RBM34: variants seen among roughly 807,000 people sequenced by gnomAD.
The protein encoded by RBM34 is RNA-binding protein 34.
A neutral mutation model predicts 44.6 loss-of-function variants in RBM34; 39 were observed. The observed-to-expected ratio is 0.87, with a 90% confidence interval of 0.68 to 1.14. The LOEUF is 1.14. Ranked by LOEUF, RBM34 falls within the 50% of genes most tolerant of loss-of-function variation. The pLI is 0.00. For synonymous variants in RBM34, 194 were observed against 184.0 expected (o/e 1.05, Z -0.44); for missense variants, 572 against 517.9 (o/e 1.10, Z -1.01).
chr1:235,156,284 G>A (rs1015458267), intron 3 of RBM34, among the ~76,000 whole-genome samples: 2 of 152,074 alleles, frequency 1.3e-5, no homozygotes, highest in African/African-American at 4.8e-5. Context: ...GGTTACAGGC[G>A]TGAACCACTG....
At chr1:235,159,075 TGGTGG>T (rs1249065584) in intron 3 of RBM34, among the ~76,000 whole-genome samples, 2 of 151,518 alleles carry the variant, frequency 1.3e-5, no homozygotes, top group Non-Finnish European at 2.9e-5. Context: ...TAGCTGGGCA[TGGTGG>T]GGCATGCCTA....
chr1:235,155,971 A>C (rs139226838), intron 3 of RBM34, among the ~76,000 whole-genome samples: 1 of 146,226 alleles, frequency 6.8e-6, no homozygotes, highest in South Asian at 2.2e-4. Context: ...TCTGGTTCAC[A>C]ACGATTCTTT....
intron 5 of RBM34, among the ~76,000 whole-genome samples, chr1:235,150,868 A>C (rs974851274): frequency 2.6e-5 from 4 of 152,112 alleles, no homozygotes; most frequent in African/African-American, 9.7e-5. Flanking sequence ...GAGACTGGGG[A>C]GAATCAAGGT....
chr1:235,146,372 C>T (rs1451690430), intron 6 of RBM34, among the ~76,000 whole-genome samples: 1 of 151,880 alleles, frequency 6.6e-6, no homozygotes, highest in Non-Finnish European at 1.5e-5. Flanking sequence ...TTAAAAAATG[C>T]TATAAAAATA....
At position 235,160,013 on chromosome 1, in the gene RBM34, G is replaced by A. The variant is rs192525618; in HGVS notation, c.365+498C>T. The A allele has an allele frequency of 1.4e-3, 278 of 198,774 alleles. 2 individuals are homozygous for A. In the South Asian group the frequency reaches 0.014, roughly 10 times the overall value. The allele number at this position is 198,774 out of a possible 1,614,324, so 12.3% of individuals were successfully genotyped here. ...TCACACCTGTAATCTCAACACTTTC[G>A]GAGGCCGAGGTGGGCAGATCGCTTG... is the stretch of plus-strand genomic sequence containing the variant. On this transcript the variant is annotated intron_variant, in intron 3 of 10. Coordinates refer to ENST00000408888, the MANE Select transcript of RBM34 (RefSeq NM_015014.4).
At chr1:235,158,810 A>G (rs1662562405) in intron 3 of RBM34, among the ~76,000 whole-genome samples, 1 of 152,136 alleles carries the variant, frequency 6.6e-6, no homozygotes, top group African/African-American at 2.4e-5. Context: ...TCTTGATTCA[A>G]ATACACTGTT....
intron 6 of RBM34, among the ~76,000 whole-genome samples, chr1:235,147,998 T>C (rs1661977782): frequency 6.6e-6 from 1 of 152,038 alleles, no homozygotes; most frequent in Non-Finnish European, 1.5e-5. Flanking sequence ...TCCAAAACCC[T>C]CAAACAGAGA....
rs374002852 is a variant in RBM34, at chr1:235,160,211, C to T, written c.365+300G>A. ...AGGTTGCAGTGAGCTGAGATCACTG[C>T]ACTCTACTGCAGCCTGGGCGTGGCA... On this transcript the variant is annotated intron_variant, in intron 3 of 10. Coordinates refer to ENST00000408888, the MANE Select transcript of RBM34 (RefSeq NM_015014.4). 8.4e-4 allele frequency: 419 copies of T among 500,932 alleles called. 2 individuals carry two copies. The highest frequency in any genetic ancestry group is 6.9e-3 in the Middle Eastern group (23 of 3,356). The allele number at this position is 500,932 out of a possible 1,614,324, so 31.0% of individuals were successfully genotyped here.
At chr1:235,132,085 G>T in intron 10 of RBM34, 88 bp from the exon 11 acceptor site, 2 of 1,289,126 alleles carry the variant, frequency 1.6e-6, no homozygotes, top group Non-Finnish European at 2.1e-6. Context: ...AGATGAGAAC[G>T]ACTTTCAAGC....
At chr1:235,147,282 GA>G (rs1661945570) in intron 6 of RBM34, among the ~76,000 whole-genome samples, 2 of 152,190 alleles carry the variant, frequency 1.3e-5, no homozygotes, top group South Asian at 4.1e-4. Context: ...GATGGGGCTG[GA>G]GGAGAAGCTG....
intron 3 of RBM34, among the ~76,000 whole-genome samples, chr1:235,155,851 A>G (rs1189467306): frequency 1.1e-4 from 3 of 28,412 alleles, no homozygotes; most frequent in East Asian, 1.7e-3. Context: ...ATATATATAT[A>G]TATATATATA....
intron 3 of RBM34, 155 bp downstream of exon 3, chr1:235,160,356 T>C (rs1264244977): frequency 1.0e-6 from 1 of 983,550 alleles, no homozygotes; most frequent in South Asian, 1.4e-5. Context: ...CGGGGTTTCT[T>C]AGCCTTTTCA....
At chr1:235,145,129 T>C (rs1165191946) in intron 6 of RBM34, among the ~76,000 whole-genome samples, 1 of 152,178 alleles carries the variant, frequency 6.6e-6, no homozygotes, top group Non-Finnish European at 1.5e-5. Context: ...ACTGATTTCA[T>C]GAACATCCCA....
At chr1:235,135,588 GCAACAGTGT>G in intron 10 of RBM34, 55 bp downstream of exon 10, 1 of 1,289,236 alleles carries the variant, frequency 7.8e-7, no homozygotes, top group Non-Finnish European at 1.1e-6. Context: ...ATGATGACAT[GCAACAGTGT>G]CAATGCCTCC....
intron 3 of RBM34, among the ~76,000 whole-genome samples, chr1:235,158,048 G>GT (rs371080679): frequency 1.3e-3 from 182 of 143,822 alleles, no homozygotes; most frequent in Middle Eastern, 3.8e-3. Flanking sequence ...AATTACATGG[G>GT]TTTTTTTTTT....
rs758517108 is a variant in RBM34, at chr1:235,131,671, T to C, written c.*42A>G. ...CTATCAGCAGATAATAGCACTTTTA[T>C]TAGCAGTACTCAGCAGGAAAAGAAA... On this transcript the variant is annotated 3_prime_UTR_variant, in exon 11 of 11. Transcript: ENST00000408888. 5.8e-6 allele frequency: 9 copies of C among 1,544,010 alleles called. No homozygotes were observed. Among genetic ancestry groups the C allele is most frequent in the Non-Finnish European group, 6.1e-6 (7 of 1,149,966 alleles).
intron 10 of RBM34, among the ~76,000 whole-genome samples, chr1:235,132,847 C>T (rs1230550285): frequency 6.6e-6 from 1 of 152,030 alleles, no homozygotes; most frequent in Non-Finnish European, 1.5e-5. Context: ...AGAAGCTTAT[C>T]AAGTAATAGA....
chr1:235,151,450 T>C (rs927545780), intron 5 of RBM34, among the ~76,000 whole-genome samples: 1 of 152,220 alleles, frequency 6.6e-6, no homozygotes, highest in Non-Finnish European at 1.5e-5. Context: ...ATAAATACCC[T>C]GACAGAAATT....
At chr1:235,147,609 G>C (rs984686783) in intron 6 of RBM34, among the ~76,000 whole-genome samples, 2 of 152,032 alleles carry the variant, frequency 1.3e-5, no homozygotes, top group Non-Finnish European at 2.9e-5. Flanking sequence ...AGGAAAAACC[G>C]GCGAAGACCT....
Sources: allele counts gnomAD v4.1 joint callset (sites outside exome capture counted in the v4.1 genomes callset), GRCh38; gene constraint gnomAD v4.1.1; transcripts MANE v1.5; gene names NCBI Gene and HGNC (gene_info 2026-07-23, HGNC 2026-07-21).